Variants in MOXD1 observed in about 807,000 individuals in gnomAD.
MOXD1 encodes the protein DBH-like monooxygenase protein 1.
A neutral mutation model predicts 66.6 loss-of-function variants in MOXD1; 62 were observed. The observed-to-expected ratio is 0.93, with a 90% CI of 0.76 to 1.15. The LOEUF is 1.15. Among genes scored for constraint, MOXD1 ranks in the 50% most tolerant of loss-of-function variants. The pLI is 0.00. For missense variants in MOXD1, 847 were observed against 754.6 expected (o/e 1.12, Z -1.44); for synonymous variants, 303 against 281.9 (o/e 1.07, Z -0.75).
At chr6:132,325,061 T>C (rs914040458) in intron 6 of MOXD1, 8 of 152,076 alleles carry the variant, frequency 5.3e-5, no homozygotes, top group African/African-American at 1.9e-4. Flanking sequence ...TTTCAATAAT[T>C]ATCCCAGGAA....
chr6:132,330,296 A>G (rs1209724267), intron 4 of MOXD1, among the ~76,000 whole-genome samples: 1 of 152,200 alleles, frequency 6.6e-6, no homozygotes, highest in East Asian at 1.9e-4. Context: ...ACCTCCTGAG[A>G]TCCACCTCCT....
At chr6:132,326,868 A>T (rs1381007790) in intron 6 of MOXD1, among the ~76,000 whole-genome samples, 1 of 152,206 alleles carries the variant, frequency 6.6e-6, no homozygotes, top group Non-Finnish European at 1.5e-5. Context: ...TCACTCTTTA[A>T]ATATCATACC....
intron 1 of MOXD1, among the ~76,000 whole-genome samples, chr6:132,376,145 C>T (rs547534454): frequency 6.6e-6 from 1 of 152,084 alleles, no homozygotes; most frequent in East Asian, 1.9e-4. Flanking sequence ...TTTTCAGTAC[C>T]TGATGATATT....
At chr6:132,387,069 AT>A (rs1212435295) in intron 1 of MOXD1, among the ~76,000 whole-genome samples, 11 of 151,226 alleles carry the variant, frequency 7.3e-5, no homozygotes, top group African/African-American at 2.7e-4. Context: ...CATCCTTGTA[AT>A]TCTTTGATAT....
chr6:132,308,506 C>T (rs1418977546), intron 10 of MOXD1, among the ~76,000 whole-genome samples: 1 of 152,116 alleles, frequency 6.6e-6, no homozygotes, highest in Non-Finnish European at 1.5e-5. Flanking sequence ...GGGACTCCTC[C>T]CTAACTCATT....
At chr6:132,316,752 T>C (rs1774967940) in intron 9 of MOXD1, among the ~76,000 whole-genome samples, 1 of 152,172 alleles carries the variant, frequency 6.6e-6, no homozygotes, top group Non-Finnish European at 1.5e-5. Flanking sequence ...CAGAGATCTA[T>C]GGGACAACAT....
At chr6:132,367,395 G>C (rs1776169703) in intron 4 of MOXD1, among the ~76,000 whole-genome samples, 1 of 152,022 alleles carries the variant, frequency 6.6e-6, no homozygotes, top group Non-Finnish European at 1.5e-5. Flanking sequence ...AAACTCATTT[G>C]ATTCACTTAA....
chr6:132,311,227 G>A (rs1247008489), intron 10 of MOXD1, among the ~76,000 whole-genome samples: 1 of 152,046 alleles, frequency 6.6e-6, no homozygotes, highest in African/African-American at 2.4e-5. Context: ...GCACTCAGAA[G>A]CCCTTACTGA....
chr6:132,377,081 G>A (rs1457063772), intron 1 of MOXD1, among the ~76,000 whole-genome samples: 2 of 152,020 alleles, frequency 1.3e-5, no homozygotes, highest in Admixed American at 1.3e-4. Context: ...GGATGGGTAC[G>A]CTTATTTTTG....
At chr6:132,382,320 T>A (rs977798324) in intron 1 of MOXD1, among the ~76,000 whole-genome samples, 3 of 152,104 alleles carry the variant, frequency 2.0e-5, no homozygotes, top group Admixed American at 6.5e-5. Flanking sequence ...ATATAAAAGC[T>A]GATATACAGA....
At chr6:132,388,124 T>C (rs925004090) in intron 1 of MOXD1, among the ~76,000 whole-genome samples, 1 of 151,484 alleles carries the variant, frequency 6.6e-6, no homozygotes, top group East Asian at 1.9e-4. Context: ...AGCTGGAATA[T>C]TTGTCTTCAT....
chr6:132,299,684 AG>A (rs1346280676), intron 10 of MOXD1, among the ~76,000 whole-genome samples: 5 of 152,046 alleles, frequency 3.3e-5, no homozygotes, highest in Non-Finnish European at 7.4e-5. Flanking sequence ...TTCCTGAAAA[AG>A]GGAAAAGTGT....
In MOXD1 at chr6:132,374,724, G is replaced by C; in HGVS notation, c.318C>G (p.Tyr106Ter). ...TATTTTCCATGGCATATTCTAGATG[G>C]TAATCTTGCTGAGCATCTTTTTTCA... The part of the protein sequence containing the change: ...RELKKDAQQD[Y>*]HLEYAMENST... Residue 106 changes from tyrosine to a stop codon, truncating the protein, a stop_gained, in exon 2 of 12, where the codon TAC becomes TAG. Coordinates refer to ENST00000367963, the MANE Select transcript of MOXD1 (RefSeq NM_015529.4). LOFTEE classifies it high-confidence loss of function. The C allele has an allele frequency of 6.2e-7, 1 of 1,613,730 alleles. No individual in the cohort carries two copies. Among genetic ancestry groups the C allele is most frequent in the South Asian group, 1.1e-5 (1 of 91,078 alleles).
rs1776526284 is a variant in MOXD1 at position 132,382,251 on chromosome 6, G to A, written c.265-7474C>T. Among the ~76,000 whole-genome samples the A allele has an allele frequency of 2.0e-5, 3 of 152,136 alleles. No homozygotes were observed. The South Asian group carries it at 6.2e-4, about 32-fold the overall frequency. Reference sequence around the variant, plus strand: ...GGATAGAGAGGATTCAGAGAATCATGATTCTGTATAAATTTTGTAAGAATT... The same window carrying A: ...GGATAGAGAGGATTCAGAGAATCATAATTCTGTATAAATTTTGTAAGAATT... On this transcript the variant is annotated intron_variant, in intron 1 of 11. Transcript: ENST00000367963.
Position 132,345,644 on chromosome 6 carries a change from A to C in MOXD1, c.664-17050T>G, listed in dbSNP as rs191364157. 1.2e-4 allele frequency among the ~76,000 whole-genome samples: 19 copies of C among 152,292 alleles called. No individual in the cohort carries two copies. In the East Asian group the frequency reaches 3.5e-3, roughly 28 times the overall value. Reference sequence around the variant, plus strand: ...GAAAATATTTACTTCCCTATTACTGAGTCAATGCAACATAATTTATCTCCT... The same window carrying C: ...GAAAATATTTACTTCCCTATTACTGCGTCAATGCAACATAATTTATCTCCT... On this transcript the variant is annotated intron_variant, in intron 4 of 11. Coordinates refer to ENST00000367963, the MANE Select transcript of MOXD1 (RefSeq NM_015529.4).
intron 10 of MOXD1, among the ~76,000 whole-genome samples, chr6:132,312,680 T>C (rs1774856911): frequency 6.6e-6 from 1 of 151,888 alleles, no homozygotes; most frequent in Non-Finnish European, 1.5e-5. Context: ...CAATTCTCCC[T>C]GTCTTTCCAA....
intron 4 of MOXD1, among the ~76,000 whole-genome samples, chr6:132,339,733 C>T (rs1463368864): frequency 6.6e-6 from 1 of 152,212 alleles, no homozygotes; most frequent in Non-Finnish European, 1.5e-5. Context: ...GCTATCCTCT[C>T]CTTTCCCCTG....
chr6:132,374,372 A>T (rs1776329779), intron 2 of MOXD1, among the ~76,000 whole-genome samples: 2 of 152,148 alleles, frequency 1.3e-5, no homozygotes, highest in South Asian at 4.1e-4. Context: ...TTATGGCTAA[A>T]TCATACAAAT....
At chr6:132,298,736 G>A (rs1774464886) in intron 10 of MOXD1, among the ~76,000 whole-genome samples, 1 of 151,712 alleles carries the variant, frequency 6.6e-6, no homozygotes, top group Non-Finnish European at 1.5e-5. Context: ...TCACCAGTCA[G>A]AAGGGCTATT....
Sources: allele counts gnomAD v4.1 joint callset (sites outside exome capture counted in the v4.1 genomes callset), GRCh38; gene constraint gnomAD v4.1.1; transcripts MANE v1.5; gene names NCBI Gene and HGNC (gene_info 2026-07-23, HGNC 2026-07-21).